Variants in OR52N2 observed in about 807,000 individuals in gnomAD.
OR52N2 encodes olfactory receptor 52N2.
For synonymous variants in OR52N2, 129 were observed against 72.0 expected (o/e 1.79, Z -4.01); for missense variants, 326 against 196.6 (o/e 1.66, Z -3.94).
intron 1 of OR52N2, among the ~76,000 whole-genome samples, chr11:5,818,988 A>G (rs1252496711): frequency 2.0e-5 from 3 of 152,168 alleles, no homozygotes; most frequent in African/African-American, 7.2e-5. Flanking sequence ...TCCCTCCATC[A>G]TTGGAAATTT....
rs1173192305 is a variant in OR52N2 at position 5,821,005 on chromosome 11, T to C, written c.670T>C (p.Leu224=). The C allele has an allele frequency of 2.6e-6, 2 of 781,078 alleles. No individual in the cohort carries two copies. Among genetic ancestry groups the C allele is most frequent in the Admixed American group, 1.7e-5 (1 of 59,036 alleles). 48.4% of individuals were successfully genotyped at this position (781,078 alleles called of 1,614,324 possible). A position where few individuals can be genotyped will look rare whatever the true frequency, so the allele number is the denominator to read the frequency against. Reference sequence around the variant, plus strand: ...TATCTCTGTATCTTACACTATGATTTTGCAGGCTGTTATGAGCCTGTCATC... The same window carrying C: ...TATCTCTGTATCTTACACTATGATTCTGCAGGCTGTTATGAGCCTGTCATC... ...CCISVSYTMI[L]QAVMSLSSAD... is the part of the protein sequence containing the mutation. The change falls in exon 2 of 2, where the codon TTG becomes CTG. Residue 224 remains leucine (L), a synonymous_variant. Coordinates refer to ENST00000317037, the MANE Select transcript of OR52N2 (RefSeq NM_001005174.3).
At chr11:5,819,002 T>G (rs1846425797) in intron 1 of OR52N2, among the ~76,000 whole-genome samples, 1 of 152,224 alleles carries the variant, frequency 6.6e-6, no homozygotes, top group Non-Finnish European at 1.5e-5. Flanking sequence ...GAAATTTCCA[T>G]GTACTCTAGC....
rs770391950 is a variant in OR52N2 at position 5,821,265 on chromosome 11, A to C, written c.930A>C (p.Leu310Phe). ...TTCAGGAAGGTGTAATTAAATTTTT[A>C]CTTGGAGACAAGGTTAGTTTTACCT... The part of the protein sequence containing the change: ...KQIQEGVIKF[L>F]LGDKVSFTYD... The change falls in exon 2 of 2, where the codon TTA (leucine) becomes TTC (phenylalanine). Residue 310 changes from leucine (L) to phenylalanine (F), a missense_variant. Coordinates refer to ENST00000317037, the MANE Select transcript of OR52N2 (RefSeq NM_001005174.3). 1.3e-6 allele frequency: 1 copy of C among 780,520 alleles called. No homozygotes were observed. Among genetic ancestry groups the C allele is most frequent in the Non-Finnish European group, 2.4e-6 (1 of 417,994 alleles). 48.3% of individuals were successfully genotyped at this position (780,520 alleles called of 1,614,324 possible).
Position 5,820,429 on chromosome 11 carries a change from C to A in OR52N2, c.94C>A (p.Pro32Thr). The part of the protein sequence containing the change: ...LEATHIWISL[P>T]FCFMYIIAVV... ...AGCCACACACATCTGGATCTCCCTG[C>A]CATTCTGCTTTATGTACATCATTGC... is the stretch of plus-strand genomic sequence containing the variant. The change falls in exon 2 of 2, where the codon CCA becomes ACA. Residue 32 changes from proline (P) to threonine (T), a missense_variant. Physicochemically the swap from Pro to Thr is conservative, Grantham distance 38 (BLOSUM62 -1). Coordinates refer to ENST00000317037, the MANE Select transcript of OR52N2 (RefSeq NM_001005174.3). The A allele has an allele frequency of 2.6e-6, 2 of 780,762 alleles. No individual in the cohort carries two copies. The highest frequency in any genetic ancestry group is 4.9e-5 in the East Asian group (2 of 41,224). The allele number at this position is 780,762 out of a possible 1,614,324, so 48.4% of individuals were successfully genotyped here. A position where few individuals can be genotyped will look rare whatever the true frequency, so the allele number is the denominator to read the frequency against.
chr11:5,809,276 G>A (rs1043758456), intron 1 of OR52N2, among the ~76,000 whole-genome samples: 47 of 152,202 alleles, frequency 3.1e-4, no homozygotes, highest in African/African-American at 1.1e-3. Context: ...AGAGCAGGGA[G>A]CTTTTATCTC....
intron 1 of OR52N2, among the ~76,000 whole-genome samples, chr11:5,819,816 A>G (rs974953156): frequency 6.6e-6 from 1 of 152,202 alleles, no homozygotes; most frequent in Non-Finnish European, 1.5e-5. Context: ...AAAAGTGCTA[A>G]TATTTGAGAT....
intron 1 of OR52N2, among the ~76,000 whole-genome samples, chr11:5,809,312 C>A (rs935014665): frequency 6.6e-6 from 1 of 152,072 alleles, no homozygotes; most frequent in Non-Finnish European, 1.5e-5. Flanking sequence ...CTGTGTCACT[C>A]CCCCATGGGC....
Position 5,821,247 on chromosome 11 carries a change from AGGTG to A in OR52N2, c.913_916del (p.Gly305Ter). ...GAGTCAAGACCAAGCAGATTCAGGAAGGTGTAATTAAATTTTTACTTGGAGACAA... is the reference window on the plus strand; with the variant it reads ...GAGTCAAGACCAAGCAGATTCAGGAATAATTAAATTTTTACTTGGAGACAA... On this transcript the variant is annotated frameshift_variant, in exon 2 of 2. Coordinates refer to ENST00000317037, the MANE Select transcript of OR52N2 (RefSeq NM_001005174.3). LOFTEE classifies it low-confidence loss of function (END_TRUNC). 1.3e-6 allele frequency: 1 copy of A among 780,864 alleles called. No homozygotes were observed. Among genetic ancestry groups the A allele is most frequent in the Non-Finnish European group, 2.4e-6 (1 of 418,048 alleles). The allele number at this position is 780,864 out of a possible 1,614,324, so 48.4% of individuals were successfully genotyped here.
chr11:5,821,382 T>G lies in OR52N2; in HGVS notation c.*81T>G. The G allele has an allele frequency of 3.0e-6, 2 of 661,782 alleles. No homozygotes were observed. Among genetic ancestry groups the G allele is most frequent in the Non-Finnish European group, 5.4e-6 (2 of 368,170 alleles). The allele number at this position is 661,782 out of a possible 1,614,324, so 41.0% of individuals were successfully genotyped here. Reference sequence around the variant, plus strand: ...CATAAAAGATGTGAATAAAATGGTATTAAAATCATGACATGTAATTTACCC... The same window carrying G: ...CATAAAAGATGTGAATAAAATGGTAGTAAAATCATGACATGTAATTTACCC... On this transcript the variant is annotated 3_prime_UTR_variant, in exon 2 of 2. Coordinates refer to ENST00000317037, the MANE Select transcript of OR52N2 (RefSeq NM_001005174.3).
At chr11:5,810,434 A>AT (rs1846351695) in intron 1 of OR52N2, among the ~76,000 whole-genome samples, 1 of 152,200 alleles carries the variant, frequency 6.6e-6, no homozygotes, top group African/African-American at 2.4e-5. Context: ...ATCCCAAAAC[A>AT]TTTTAAAATG....
chr11:5,817,611 G>C (rs1846414003), intron 1 of OR52N2, among the ~76,000 whole-genome samples: 2 of 152,048 alleles, frequency 1.3e-5, no homozygotes, highest in Admixed American at 1.3e-4. Context: ...GTGAAGCTTG[G>C]GAAAGAAGGT....
chr11:5,812,921 G>A (rs1329916065), intron 1 of OR52N2, among the ~76,000 whole-genome samples: 1 of 151,862 alleles, frequency 6.6e-6, no homozygotes, highest in African/African-American at 2.4e-5. Flanking sequence ...ATAAGAGGAA[G>A]TTTGAAAAAT....
chr11:5,810,056 C>T (rs1163531153), intron 1 of OR52N2, among the ~76,000 whole-genome samples: 1 of 152,174 alleles, frequency 6.6e-6, no homozygotes, highest in East Asian at 1.9e-4. Flanking sequence ...TAACTCATTC[C>T]TCTGAGTGGG....
intron 1 of OR52N2, among the ~76,000 whole-genome samples, chr11:5,817,028 C>T (rs748822914): frequency 5.9e-5 from 9 of 151,960 alleles, no homozygotes; most frequent in Non-Finnish European, 1.2e-4. Context: ...TCCAAGGAGT[C>T]GCAGGAATCT....
Position 5,820,360 on chromosome 11 carries a change from C to T in OR52N2, c.25C>T (p.Leu9=), listed in dbSNP as rs763768130. ...CATGTCTGGGGACAACAGCTCCAGC[C>T]TGACCCCAGGATTCTTTATCTTGAA... is the stretch of plus-strand genomic sequence containing the variant. MSGDNSSS[L]TPGFFILNGV... is the part of the protein sequence containing the mutation. Residue 9 remains leucine (L), a synonymous_variant, in exon 2 of 2, where the codon CTG becomes TTG. Transcript: ENST00000317037. 1 of 780,916 alleles carries T rather than the reference C, an allele frequency of 1.3e-6. No homozygotes were observed. Among genetic ancestry groups the T allele is most frequent in the South Asian group, 1.3e-5 (1 of 74,616 alleles). 48.4% of individuals were successfully genotyped at this position (780,916 alleles called of 1,614,324 possible).
At chr11:5,813,802 C>A (rs187562714) in intron 1 of OR52N2, among the ~76,000 whole-genome samples, 17 of 152,234 alleles carry the variant, frequency 1.1e-4, no homozygotes, top group Non-Finnish European at 2.1e-4. Flanking sequence ...ATCAACAGCA[C>A]AGTAAAAGGA....
intron 1 of OR52N2, among the ~76,000 whole-genome samples, chr11:5,814,294 G>A (rs116006800): frequency 6.6e-6 from 1 of 152,016 alleles, no homozygotes; most frequent in Non-Finnish European, 1.5e-5. Context: ...AATAATAAAT[G>A]AGCAAGGTAA....
intron 1 of OR52N2, among the ~76,000 whole-genome samples, chr11:5,813,609 G>A (rs1004268915): frequency 4.6e-5 from 7 of 152,122 alleles, no homozygotes; most frequent in African/African-American, 1.7e-4. Context: ...ATTTAAAGGG[G>A]AATTAATACC....
intron 1 of OR52N2, among the ~76,000 whole-genome samples, chr11:5,817,075 C>T (rs1846410526): frequency 1.3e-5 from 2 of 151,968 alleles, no homozygotes; most frequent in Non-Finnish European, 2.9e-5. Flanking sequence ...ATGCTGAAAG[C>T]TAAACAAAAC....
Sources: allele counts gnomAD v4.1 joint callset (sites outside exome capture counted in the v4.1 genomes callset), GRCh38; gene constraint gnomAD v4.1.1; transcripts MANE v1.5; gene names NCBI Gene and HGNC (gene_info 2026-07-23, HGNC 2026-07-21).